TENM3: variants seen among roughly 807,000 people sequenced by gnomAD.
TENM3 encodes the protein teneurin transmembrane protein 3, also known as teneurin-3.
In TENM3, 63 loss-of-function variants were observed where a neutral mutation model predicts 255.1. The ratio of observed to expected loss-of-function variants is 0.25; its 90% confidence interval spans 0.20 to 0.30. The LOEUF is 0.30. TENM3 is among the 10% of genes least tolerant of loss of function. TENM3 has a pLI of 1.00. For synonymous variants in TENM3, 1,306 were observed against 1,322.3 expected, an observed-to-expected ratio of 0.99 and a Z score of 0.27; for missense variants, 2,929 against 3,461.1, an observed-to-expected ratio of 0.85 and a Z score of 3.86.
chr4:182,316,342 G>A (rs1395443537), intron 1 of TENM3, among the ~76,000 whole-genome samples: 3 of 151,942 alleles, frequency 2.0e-5, no homozygotes, highest in South Asian at 2.1e-4. Context: ...TGAGTACATC[G>A]CCCAGTGAAG....
chr4:182,051,343 C>CA, the TENM3 span, among the ~76,000 whole-genome samples: 990 of 131,326 alleles, frequency 7.5e-3, 8 homozygotes, highest in Middle Eastern at 0.037. Flanking sequence ...AACTACTTCT[C>CA]AAAAAAAAAA....
chr4:182,526,476 A>AGT (rs1206770803), intron 3 of TENM3, among the ~76,000 whole-genome samples: 1 of 152,018 alleles, frequency 6.6e-6, no homozygotes, highest in African/African-American at 2.4e-5. Flanking sequence ...TTCTTCCTTT[A>AGT]GTGGGACTCT....
chr4:182,662,568 C>G (rs1754315546), intron 6 of TENM3, among the ~76,000 whole-genome samples: 1 of 152,164 alleles, frequency 6.6e-6, no homozygotes. Context: ...CTTAGTGTTT[C>G]CTATGATCAT....
chr4:182,127,821 G>C, the TENM3 span, among the ~76,000 whole-genome samples: 2 of 152,122 alleles, frequency 1.3e-5, no homozygotes, highest in African/African-American at 2.4e-5. Flanking sequence ...ATTCAGAAAA[G>C]TATATAAACT....
the TENM3 span, among the ~76,000 whole-genome samples, chr4:182,075,360 T>TG: frequency 6.6e-6 from 1 of 151,918 alleles, no homozygotes; most frequent in African/African-American, 2.4e-5. Flanking sequence ...CACCACACCC[T>TG]GCTAATTTTT....
chr4:182,754,552 G>A lies in TENM3; in HGVS notation c.4185G>A (p.Lys1395=). Residue 1395 remains lysine (K), a synonymous_variant, in exon 22 of 28, where the codon AAG becomes AAA. Coordinates refer to ENST00000511685, the MANE Select transcript of TENM3 (RefSeq NM_001080477.4). This position sits in a 1 kb window ranked among gnomAD's most constrained non-coding sequence, Gnocchi z 5.1. ...CCGGAGTGGAATATCCTGTGGGGAA[G>A]CACGCGGTGCAGACAACACTGGAAT... ...QVPGVEYPVG[K]HAVQTTLESA... The A allele has an allele frequency of 6.2e-7, 1 of 1,613,944 alleles. No homozygotes were observed. Among genetic ancestry groups the A allele is most frequent in the Non-Finnish European group, 8.5e-7 (1 of 1,179,860 alleles).
At chr4:182,430,655 T>C (rs1771554304) in intron 3 of TENM3, among the ~76,000 whole-genome samples, 1 of 152,116 alleles carries the variant, frequency 6.6e-6, no homozygotes, top group South Asian at 2.1e-4. Context: ...TGTGTCCTCC[T>C]AAGGATATTA....
At chr4:182,011,870 A>T in the TENM3 span, among the ~76,000 whole-genome samples, 1 of 152,192 alleles carries the variant, frequency 6.6e-6, no homozygotes, top group Non-Finnish European at 1.5e-5. Flanking sequence ...ATATTTAAAA[A>T]TATATAGATT....
the TENM3 span, among the ~76,000 whole-genome samples, chr4:181,722,293 C>T: frequency 6.6e-6 from 1 of 152,162 alleles, no homozygotes; most frequent in Non-Finnish European, 1.5e-5. Context: ...ATAGTAAGCA[C>T]TCAATAAATA....
the TENM3 span, among the ~76,000 whole-genome samples, chr4:181,861,298 C>T: frequency 6.6e-6 from 1 of 152,130 alleles, no homozygotes; most frequent in Non-Finnish European, 1.5e-5. Context: ...CAGTCTTTTC[C>T]ATGAAAGAAG....
At chr4:182,039,902 G>A in the TENM3 span, among the ~76,000 whole-genome samples, 1 of 144,778 alleles carries the variant, frequency 6.9e-6, no homozygotes, top group Admixed American at 7.0e-5. Context: ...AACGAAAGGA[G>A]AGGAGACGAG....
At chr4:181,769,319 G>C in the TENM3 span, among the ~76,000 whole-genome samples, 3 of 152,288 alleles carry the variant, frequency 2.0e-5, no homozygotes, top group South Asian at 6.2e-4. Context: ...ATGCAAAGGA[G>C]AGATTGCTGT....
chr4:181,586,030 G>A, the TENM3 span, among the ~76,000 whole-genome samples: 128 of 152,254 alleles, frequency 8.4e-4, no homozygotes, highest in African/African-American at 3.0e-3. Flanking sequence ...TCATTAGAAT[G>A]TAGGGTTCAG....
chr4:182,538,606 G>A (rs1291804496), intron 3 of TENM3, among the ~76,000 whole-genome samples: 1 of 151,938 alleles, frequency 6.6e-6, no homozygotes, highest in African/African-American at 2.4e-5. Context: ...GCAGTAAACA[G>A]TGCTGGGGGT....
intron 13 of TENM3, 29 bp from the exon 14 acceptor site, chr4:182,728,936 C>A (rs1382862427): frequency 2.5e-6 from 4 of 1,585,462 alleles, no homozygotes; most frequent in East Asian, 4.5e-5. Context: ...AAGGAAAATT[C>A]TCTTACTGGG....
chr4:181,767,165 T>A, the TENM3 span, among the ~76,000 whole-genome samples: 1 of 142,230 alleles, frequency 7.0e-6, no homozygotes, highest in East Asian at 2.1e-4. Context: ...GGCAGGAGAA[T>A]GGCGTGAACC....
chr4:181,890,738 C>CATTT, the TENM3 span, among the ~76,000 whole-genome samples: 2 of 152,070 alleles, frequency 1.3e-5, no homozygotes, highest in Non-Finnish European at 2.9e-5. Context: ...GGGCCCCAAC[C>CATTT]ATTTGTATGG....
At chr4:182,005,633 G>A in the TENM3 span, among the ~76,000 whole-genome samples, 99 of 152,250 alleles carry the variant, frequency 6.5e-4, no homozygotes, top group African/African-American at 2.3e-3. Flanking sequence ...GATGGGAATA[G>A]CATTGAATCT....
At chr4:181,599,262 T>C in the TENM3 span, among the ~76,000 whole-genome samples, 1 of 152,220 alleles carries the variant, frequency 6.6e-6, no homozygotes, top group African/African-American at 2.4e-5. Context: ...CATTATTCCC[T>C]TCGTTCTGTG....
Sources: gnomAD v4.1 joint callset for allele counts (sites outside exome capture counted in the v4.1 genomes callset) on GRCh38, gnomAD v4.1.1 for gene constraint, Gnocchi (gnomAD v3.1) non-coding constraint, MANE v1.5 for transcripts, NCBI Gene and HGNC (gene_info 2026-07-23, HGNC 2026-07-21) for gene names.